The following HMCN2 variants were observed in gnomAD, a reference collection of about 807,000 sequenced individuals.
HMCN2 encodes hemicentin-2.
In HMCN2, 325 loss-of-function variants were observed where a neutral mutation model predicts 377.5. The observed-to-expected ratio is 0.86, with a 90% CI of 0.79 to 0.94. The LOEUF (loss-of-function observed/expected upper bound fraction) is 0.94, where lower values mean the gene tolerates loss of function less well. Among genes scored for constraint, HMCN2 ranks in the 40% least tolerant of loss-of-function variants. HMCN2 has a pLI of 0.00. For synonymous variants in HMCN2, 2,007 were observed against 2,046.8 expected, an observed-to-expected ratio of 0.98 and a Z score of 0.53; for missense variants, 4,543 against 4,725.3, an observed-to-expected ratio of 0.96 and a Z score of 1.13.
At chr9:130,276,948 G>A (rs1053054027) in intron 1 of HMCN2, among the ~76,000 whole-genome samples, 15 of 152,246 alleles carry the variant, frequency 9.9e-5, no homozygotes, top group African/African-American at 3.6e-4. Context: ...CCCACTTGGA[G>A]AGAGAAGCAG....
Position 130,278,134 on chromosome 9 carries a change from T to C in HMCN2, c.260-6469T>C, listed in dbSNP as rs546532211. The stretch of plus-strand genomic sequence containing the variant: ...TTTGTTTGTTTGGTTGGTTGGTTGG[T>C]TTTTTTTTGAGACGCAGTCTCGCTC... On this transcript the variant is annotated intron_variant, in intron 1 of 97. Coordinates refer to ENST00000683500, the MANE Select transcript of HMCN2 (RefSeq NM_001291815.2). Among the ~76,000 whole-genome samples the C allele has an allele frequency of 2.1e-3, 314 of 149,590 alleles. 1 individual carries two copies. The highest frequency in any genetic ancestry group is 7.3e-3 in the African/African-American group (288 of 39,512).
At chr9:130,277,762 AT>A (rs1564739325) in intron 1 of HMCN2, among the ~76,000 whole-genome samples, 2 of 140,448 alleles carry the variant, frequency 1.4e-5, no homozygotes, top group African/African-American at 2.7e-5. Flanking sequence ...CATCATCATC[AT>A]CACCACCACC....
rs1336821785 is a variant in HMCN2 at position 130,393,837 on chromosome 9, C to G, written c.10330C>G (p.Leu3444Val). 7.8e-7 allele frequency: 1 copy of G among 1,289,412 alleles called. No individual in the cohort carries two copies. Among genetic ancestry groups the G allele is most frequent in the Non-Finnish European group, 1.0e-6 (1 of 988,726 alleles). 79.9% of individuals were successfully genotyped at this position (1,289,412 alleles called of 1,614,324 possible). The change falls in exon 68 of 98, where the codon CTG becomes GTG. Residue 3444 changes from leucine (L) to valine (V), a missense_variant. Leu to Val is a conservative substitution (Grantham distance 32). Transcript: ENST00000683500. The surrounding 1 kb of genome is among the most constrained non-coding windows in gnomAD (Gnocchi z 5.2). ...CCCGTGCGAGGCCCGGGGCGTTCCC[C>G]TGCCTCTCGTGTCGTGGATGAAGGA... ...ELPCEARGVP[L>V]PLVSWMKDGE...
intron 15 of HMCN2, among the ~76,000 whole-genome samples, chr9:130,318,662 T>C (rs1837692165): frequency 6.6e-6 from 1 of 152,178 alleles, no homozygotes; most frequent in African/African-American, 2.4e-5. Flanking sequence ...CTGCCCTTTG[T>C]GTATTATTAG....
At chr9:130,354,473 G>T (rs923599207) in intron 31 of HMCN2, among the ~76,000 whole-genome samples, 1 of 152,198 alleles carries the variant, frequency 6.6e-6, no homozygotes, top group Non-Finnish European at 1.5e-5. Context: ...AGGCACTGGG[G>T]ATGCAAGTAG....
intron 83 of HMCN2, 44 bp downstream of exon 83, chr9:130,407,749 T>A: frequency 8.5e-7 from 1 of 1,172,210 alleles, no homozygotes; most frequent in African/African-American, 1.6e-5. Flanking sequence ...AGACCTCCAG[T>A]CTATTGGGAC....
rs907253254 is a variant in HMCN2 at position 130,410,575 on chromosome 9, A to G, written c.12884A>G (p.Asp4295Gly). Residue 4295 changes from aspartate (D) to glycine (G), a missense_variant, in exon 85 of 98, where the codon GAC (aspartate) becomes GGC (glycine). By Grantham distance (94) the Asp-to-Gly change is moderately conservative. Around this residue, in one of 5 missense-constraint regions of HMCN2, gnomAD observed 1,155 missense variants for 1,157.7 expected, o/e 1.00. Transcript: ENST00000683500. ...CTCTCCTGTGCCCACTTGCAGAGGG[A>G]CGATGCGGGACGGTACCAGTGCCTG... ...GSLTIRRTER[D>G]DAGRYQCLAE... The G allele has an allele frequency of 5.8e-6, 9 of 1,550,324 alleles. No homozygotes were observed. The African/African-American group carries it at 6.8e-5, about 12-fold the overall frequency.
rs1341639115 is a variant in HMCN2 at position 130,364,750 on chromosome 9, C to CG, written c.6269_6270insG (p.Val2091ArgfsTer5). The CG allele has an allele frequency of 1.0e-6, 1 of 985,958 alleles. No individual in the cohort carries two copies. Among genetic ancestry groups the CG allele is most frequent in the Non-Finnish European group, 1.2e-6 (1 of 830,014 alleles). 61.1% of individuals were successfully genotyped at this position (985,958 alleles called of 1,614,324 possible). ...ATCCTTGGAGAAGAGCTGAATGTGT[C>CG]CGTTGTGGCCAATGAGTCAGTGGCC... On this transcript the variant is annotated frameshift_variant, in exon 41 of 98. Transcript: ENST00000683500. LOFTEE classifies it high-confidence loss of function.
chr9:130,359,711 G>A (rs1276378697), intron 37 of HMCN2, among the ~76,000 whole-genome samples: 1 of 152,152 alleles, frequency 6.6e-6, no homozygotes, highest in Admixed American at 6.5e-5. Flanking sequence ...CATCTGGTCT[G>A]TAGGGTCCTC....
At position 130,303,017 on chromosome 9, in the gene HMCN2, C is replaced by A; in HGVS notation, c.1421+16C>A. ...GGCACTTTCAGTGAGTGGCCCACGGCAGCTGATTGTCCCCAGCCACAGGGC... is the reference window on the plus strand; with the variant it reads ...GGCACTTTCAGTGAGTGGCCCACGGAAGCTGATTGTCCCCAGCCACAGGGC... On this transcript the variant is annotated intron_variant, in intron 9 of 97. Coordinates refer to ENST00000683500, the MANE Select transcript of HMCN2 (RefSeq NM_001291815.2). This position sits in a 1 kb window ranked among gnomAD's most constrained non-coding sequence, Gnocchi z 5.2. 2.2e-6 allele frequency: 1 copy of A among 461,978 alleles called. No homozygotes were observed. The highest frequency in any genetic ancestry group is 4.5e-6 in the Non-Finnish European group (1 of 222,428). The allele number at this position is 461,978 out of a possible 1,614,324, so 28.6% of individuals were successfully genotyped here. A position where few individuals can be genotyped will look rare whatever the true frequency, so the allele number is the denominator to read the frequency against.
At position 130,425,044 on chromosome 9, in the gene HMCN2, C is replaced by G. The variant is rs1429406794; in HGVS notation, c.13555C>G (p.Leu4519Val). ...LLTMTQVARG[L>V]DPDGLLLLDV... ...CACGATGACCCAGGTGGCCCGGGGTCTGGATCCCGATGGCCTCCTGCTCCT... is the reference window on the plus strand; with the variant it reads ...CACGATGACCCAGGTGGCCCGGGGTGTGGATCCCGATGGCCTCCTGCTCCT... The change falls in exon 89 of 98, where the codon CTG becomes GTG. Residue 4519 changes from leucine (L) to valine (V), a missense_variant. Leu to Val is a conservative substitution (Grantham distance 32, BLOSUM62 1). This residue lies in a region of HMCN2 where 1,155 missense variants were observed against 1,157.7 expected (regional missense o/e 1.00). Transcript: ENST00000683500. The G allele has an allele frequency of 1.5e-5, 24 of 1,549,892 alleles. No homozygotes were observed. The highest frequency in any genetic ancestry group is 4.4e-6 in the Non-Finnish European group (5 of 1,146,702).
At position 130,307,181 on chromosome 9, in the gene HMCN2, G is replaced by C. The variant is rs539965008; in HGVS notation, c.2086+243G>C. ...TGGGAGCCTCCTGGTGCGAGGGAGG[G>C]ACGTGTGCTGGGGGCGAGGGAGAAG... On this transcript the variant is annotated intron_variant, in intron 13 of 97. Coordinates refer to ENST00000683500, the MANE Select transcript of HMCN2 (RefSeq NM_001291815.2). Among the ~76,000 whole-genome samples the C allele has an allele frequency of 2.6e-5, 4 of 152,276 alleles. No homozygotes were observed. The East Asian group carries it at 5.8e-4, about 22-fold the overall frequency.
At chr9:130,290,862 GAAAAAA>G (rs34729181) in intron 4 of HMCN2, among the ~76,000 whole-genome samples, 2 of 121,186 alleles carry the variant, frequency 1.7e-5, no homozygotes, top group African/African-American at 6.6e-5. Context: ...AGCTCAGTCT[GAAAAAA>G]AAAAAAAAAA....
intron 23 of HMCN2, among the ~76,000 whole-genome samples, chr9:130,338,890 A>C (rs1209822137): frequency 1.3e-5 from 2 of 152,238 alleles, no homozygotes; most frequent in African/African-American, 4.8e-5. Flanking sequence ...TTTATCTGAA[A>C]TTCAAATTTC....
chr9:130,348,732 C>T (rs1839532047), intron 27 of HMCN2, 57 bp downstream of exon 27: 3 of 1,292,100 alleles, frequency 2.3e-6, no homozygotes, highest in Non-Finnish European at 3.1e-6. Context: ...GGGGACAGGT[C>T]TTCTGGATGG....
intron 74 of HMCN2, among the ~76,000 whole-genome samples, chr9:130,398,269 CT>C (rs1422947210): frequency 6.6e-6 from 1 of 151,538 alleles, no homozygotes; most frequent in African/African-American, 2.4e-5. Flanking sequence ...TGAGAGGTTG[CT>C]GTGGTGGGCC....
intron 24 of HMCN2, among the ~76,000 whole-genome samples, chr9:130,342,133 C>T (rs1370229469): frequency 6.6e-6 from 1 of 152,186 alleles, no homozygotes; most frequent in African/African-American, 2.4e-5. Context: ...CTCAGCCTCC[C>T]CAGCATGTGG....
intron 66 of HMCN2, 130 bp downstream of exon 66, chr9:130,392,248 A>T (rs1842357065): frequency 3.3e-6 from 2 of 606,430 alleles, no homozygotes; most frequent in African/African-American, 4.0e-5. Flanking sequence ...GCGAGTGTGG[A>T]CTGCGCCCCA....
Position 130,275,651 on chromosome 9 carries a change from T to C in HMCN2, c.260-8952T>C, listed in dbSNP as rs141128134. Among the ~76,000 whole-genome samples, 433 of 152,272 alleles carry C rather than the reference T, an allele frequency of 2.8e-3. 1 individual carries two copies. The highest frequency in any genetic ancestry group is 4.7e-3 in the Non-Finnish European group (323 of 68,016). The stretch of plus-strand genomic sequence containing the variant: ...TTTTAGTAGAGATGGAGTTTCACTA[T>C]GTTGGCCAGACTGGTCACGAACTCC... On this transcript the variant is annotated intron_variant, in intron 1 of 97. Coordinates refer to ENST00000683500, the MANE Select transcript of HMCN2 (RefSeq NM_001291815.2).
Sources: allele counts gnomAD v4.1 joint callset (sites outside exome capture counted in the v4.1 genomes callset), GRCh38; gene constraint gnomAD v4.1.1; regional missense constraint gnomAD v4.1.1; non-coding constraint Gnocchi (gnomAD v3.1); transcripts MANE v1.5; gene names NCBI Gene and HGNC (gene_info 2026-07-23, HGNC 2026-07-21).